PPFIA2: variants seen among roughly 807,000 people sequenced by gnomAD.
PPFIA2 encodes the protein PPFI scaffold protein A2.
A neutral mutation model predicts 175.5 loss-of-function variants in PPFIA2; 46 were observed. That is an observed-to-expected ratio of 0.26 (90% CI 0.21 to 0.34). The LOEUF (loss-of-function observed/expected upper bound fraction) is 0.34. Ranked by LOEUF, PPFIA2 falls within the 10% of genes least tolerant of loss-of-function variation. The probability of loss-of-function intolerance (pLI) is 1.00; values close to 1 mark genes in which losing one functional copy is unlikely to be tolerated. For missense variants in PPFIA2, 1,179 were observed against 1,506.1 expected, an observed-to-expected ratio of 0.78 and a Z score of 3.60; for synonymous variants, 568 against 511.4, an observed-to-expected ratio of 1.11 and a Z score of -1.49.
chr12:81,660,407 C>T (rs2068606605), intron 4 of PPFIA2, among the ~76,000 whole-genome samples: 1 of 152,130 alleles, frequency 6.6e-6, no homozygotes, highest in Admixed American at 6.5e-5. Context: ...AATGCACAAG[C>T]TTCAGTAGCT....
chr12:81,532,444 T>C (rs865910478), intron 4 of PPFIA2, among the ~76,000 whole-genome samples: 1 of 151,816 alleles, frequency 6.6e-6, no homozygotes, highest in South Asian at 2.1e-4. Flanking sequence ...ACTACCATCC[T>C]TGGATTTTGT....
chr12:81,547,839 A>G (rs1260727323), intron 4 of PPFIA2, among the ~76,000 whole-genome samples: 1 of 152,214 alleles, frequency 6.6e-6, no homozygotes, highest in Admixed American at 6.5e-5. Context: ...GGACTAGAAC[A>G]CTAATGTGGT....
rs1435210623 is a variant in PPFIA2 at position 81,759,345 on chromosome 12, A to ACTC, written c.-179_-177dup. 1 of 148,542 alleles carries ACTC rather than the reference A, an allele frequency of 6.7e-6. No individual in the cohort carries two copies. 9.2% of individuals were successfully genotyped at this position (148,542 alleles called of 1,614,324 possible). On this transcript the variant is annotated 5_prime_UTR_variant, in exon 1 of 33. Transcript: ENST00000549396. The stretch of plus-strand genomic sequence containing the variant: ...TCACTTGCCTCGTGCGGTGGCTGCT[A>ACTC]CTCCTCCTCCTCCGTCTCCTCCCCT...
intron 7 of PPFIA2, among the ~76,000 whole-genome samples, chr12:81,428,121 C>A (rs552099375): frequency 1.3e-5 from 2 of 151,648 alleles, no homozygotes; most frequent in Non-Finnish European, 3.0e-5. Flanking sequence ...ATTTATGATG[C>A]TTATGATCAA....
At chr12:81,361,180 A>C (rs2030061542) in intron 15 of PPFIA2, among the ~76,000 whole-genome samples, 2 of 151,672 alleles carry the variant, frequency 1.3e-5, no homozygotes, top group African/African-American at 4.8e-5. Flanking sequence ...ACTTTTAGAC[A>C]ACACTTTGAA....
chr12:81,492,476 T>C (rs1189335952), intron 4 of PPFIA2, among the ~76,000 whole-genome samples: 4 of 151,886 alleles, frequency 2.6e-5, no homozygotes, highest in East Asian at 1.9e-4. Context: ...GTAGGTGCTA[T>C]AGAGTAAAAT....
intron 4 of PPFIA2, among the ~76,000 whole-genome samples, chr12:81,664,356 A>C (rs978205769): frequency 6.6e-6 from 1 of 151,828 alleles, no homozygotes; most frequent in Non-Finnish European, 1.5e-5. Context: ...AAAAACAAAA[A>C]ACCCCATCAA....
intron 3 of PPFIA2, among the ~76,000 whole-genome samples, chr12:81,683,968 A>G (rs145844752): frequency 2.9e-3 from 444 of 152,118 alleles, no homozygotes; most frequent in Admixed American, 5.6e-3. Context: ...GGGAACTAAT[A>G]AAGAGAGAAC....
chr12:81,504,575 A>C (rs192202622), intron 4 of PPFIA2, among the ~76,000 whole-genome samples: 12 of 152,296 alleles, frequency 7.9e-5, no homozygotes, highest in Admixed American at 7.2e-4. Flanking sequence ...CCATTGTGGA[A>C]GACAGTGTGG....
rs80146602 is a variant in PPFIA2 at position 81,503,093 on chromosome 12, C to A, written c.304-45227G>T. Among the ~76,000 whole-genome samples the A allele has an allele frequency of 7.5e-3, 1,147 of 152,266 alleles. 13 individuals carry two copies. The highest frequency in any genetic ancestry group is 0.025 in the African/African-American group (1,054 of 41,568). On this transcript the variant is annotated intron_variant, in intron 4 of 32. Coordinates refer to ENST00000549396, the MANE Select transcript of PPFIA2 (RefSeq NM_003625.5). The stretch of plus-strand genomic sequence containing the variant: ...CTTTTCTCTAGACTAAACATTCCCA[C>A]TTCCCATAAATAACACTTCTTTCTC...
intron 22 of PPFIA2, among the ~76,000 whole-genome samples, chr12:81,322,588 A>G (rs2053894278): frequency 6.6e-6 from 1 of 152,180 alleles, no homozygotes; most frequent in Non-Finnish European, 1.5e-5. Context: ...GTTTGACACA[A>G]TTATTATAGG....
chr12:81,313,839 C>T (rs572312968), intron 22 of PPFIA2, among the ~76,000 whole-genome samples: 11 of 151,892 alleles, frequency 7.2e-5, no homozygotes, highest in Admixed American at 4.6e-4. Context: ...TAAATTTGCA[C>T]GTAGTGAAAC....
intron 6 of PPFIA2, among the ~76,000 whole-genome samples, chr12:81,442,913 A>C (rs2050498270): frequency 9.2e-6 from 1 of 109,252 alleles, no homozygotes; most frequent in Admixed American, 1.0e-4. Context: ...TTACTTGTTT[A>C]TATATCTATA....
intron 22 of PPFIA2, among the ~76,000 whole-genome samples, chr12:81,308,783 G>T (rs759422495): frequency 6.6e-6 from 1 of 152,110 alleles, no homozygotes; most frequent in Non-Finnish European, 1.5e-5. Context: ...AGTAATATCA[G>T]GTTGTACATC....
intron 24 of PPFIA2, among the ~76,000 whole-genome samples, chr12:81,294,135 TCCA>T (rs2045811614): frequency 6.6e-6 from 1 of 151,940 alleles, no homozygotes; most frequent in Non-Finnish European, 1.5e-5. Context: ...CATTGGAGAC[TCCA>T]AAAGGGAAGA....
At chr12:81,300,766 G>A (rs2047625452) in intron 22 of PPFIA2, among the ~76,000 whole-genome samples, 1 of 152,082 alleles carries the variant, frequency 6.6e-6, no homozygotes, top group Non-Finnish European at 1.5e-5. Flanking sequence ...TTCCTTTAGT[G>A]AAAACCAGTT....
At chr12:81,375,474 C>G (rs576427071) in intron 10 of PPFIA2, among the ~76,000 whole-genome samples, 3 of 152,072 alleles carry the variant, frequency 2.0e-5, no homozygotes, top group Non-Finnish European at 4.4e-5. Flanking sequence ...AGTGTCTTTA[C>G]TACAATAACG....
chr12:81,446,232 T>C (rs991913459), intron 5 of PPFIA2, among the ~76,000 whole-genome samples: 2 of 152,220 alleles, frequency 1.3e-5, no homozygotes, highest in Non-Finnish European at 2.9e-5. Flanking sequence ...TAGAAAAATA[T>C]ATGCAACCAA....
intron 7 of PPFIA2, among the ~76,000 whole-genome samples, chr12:81,417,495 A>T (rs975222691): frequency 9.9e-5 from 15 of 151,930 alleles, no homozygotes; most frequent in African/African-American, 3.4e-4. Context: ...GCTTGAAAAA[A>T]ATATAGAAAG....
Sources: allele counts gnomAD v4.1 joint callset (sites outside exome capture counted in the v4.1 genomes callset), GRCh38; gene constraint gnomAD v4.1.1; transcripts MANE v1.5; gene names NCBI Gene and HGNC (gene_info 2026-07-23, HGNC 2026-07-21).